CADM2: variants seen among roughly 807,000 people sequenced by gnomAD.
CADM2 encodes the protein immunoglobulin superfamily member 4D.
A neutral mutation model predicts 49.8 loss-of-function variants in CADM2; 12 were observed. That is an observed-to-expected ratio of 0.24 (90% CI 0.15 to 0.39). The LOEUF is 0.39. Among genes scored for constraint, CADM2 ranks in the 10% least tolerant of loss-of-function variants. The pLI is 1.00. For missense variants in CADM2, 378 were observed against 492.3 expected, an observed-to-expected ratio of 0.77 and a Z score of 2.20; for synonymous variants, 214 against 175.4, an observed-to-expected ratio of 1.22 and a Z score of -1.74.
intron 3 of CADM2, among the ~76,000 whole-genome samples, chr3:85,878,697 A>G (rs942514362): frequency 1.7e-4 from 26 of 152,112 alleles, no homozygotes; most frequent in Non-Finnish European, 1.6e-4. Context: ...CAGTACCTTT[A>G]GCCTTGTTCC....
intron 1 of CADM2, among the ~76,000 whole-genome samples, chr3:85,056,695 T>C (rs2107426736): frequency 6.6e-6 from 1 of 152,226 alleles, no homozygotes; most frequent in Middle Eastern, 3.4e-3. Context: ...ATGCAATATA[T>C]CCCCTAGTGA....
chr3:85,716,791 A>G (rs544767335), intron 1 of CADM2, among the ~76,000 whole-genome samples: 1 of 152,196 alleles, frequency 6.6e-6, no homozygotes, highest in Admixed American at 6.5e-5. Context: ...AGGTTTTCAA[A>G]GATCAGATGG....
intron 1 of CADM2, among the ~76,000 whole-genome samples, chr3:85,297,811 G>A (rs1261246144): frequency 6.6e-6 from 1 of 151,884 alleles, no homozygotes; most frequent in Non-Finnish European, 1.5e-5. Flanking sequence ...AATTTTGAAC[G>A]ATTTTTCCCA....
intron 1 of CADM2, among the ~76,000 whole-genome samples, chr3:85,655,333 G>A (rs571903601): frequency 3.3e-5 from 5 of 151,914 alleles, no homozygotes; most frequent in South Asian, 4.2e-4. Context: ...ATTATTTTTC[G>A]TATTTTTAGT....
chr3:86,011,328 A>T (rs937759374), intron 8 of CADM2, among the ~76,000 whole-genome samples: 1 of 152,174 alleles, frequency 6.6e-6, no homozygotes, highest in African/African-American at 2.4e-5. Context: ...AATTTGTTTA[A>T]TATTAAGAAA....
intron 1 of CADM2, among the ~76,000 whole-genome samples, chr3:85,618,113 A>T (rs2107476728): frequency 6.6e-6 from 1 of 152,306 alleles, no homozygotes; most frequent in Non-Finnish European, 1.5e-5. Flanking sequence ...AAAAATAACT[A>T]AGCAACTTAA....
chr3:85,886,393 G>T lies in CADM2; in HGVS notation c.529+66G>T, dbSNP rs1577568167. 13 of 1,224,518 alleles carry T rather than the reference G, an allele frequency of 1.1e-5. No homozygotes were observed. The East Asian group carries it at 1.7e-4, about 16-fold the overall frequency. 75.9% of individuals were successfully genotyped at this position (1,224,518 alleles called of 1,614,324 possible). A position where few individuals can be genotyped will look rare whatever the true frequency, so the allele number is the denominator to read the frequency against. On this transcript the variant is annotated intron_variant, in intron 5 of 9. Coordinates refer to ENST00000383699, the MANE Select transcript of CADM2 (RefSeq NM_001167675.2). ...AACCAGTATGACATGTTAAGAAAAA[G>T]GCATTTTACATTATTTTTCAAAACA...
At chr3:86,044,258 A>G (rs921685134) in intron 8 of CADM2, among the ~76,000 whole-genome samples, 1 of 152,224 alleles carries the variant, frequency 6.6e-6, no homozygotes, top group Non-Finnish European at 1.5e-5. Context: ...AGAAACTACC[A>G]TCAGAGTGAA....
chr3:85,690,226 A>T (rs999878450), intron 1 of CADM2, among the ~76,000 whole-genome samples: 1 of 152,296 alleles, frequency 6.6e-6, no homozygotes, highest in Non-Finnish European at 1.5e-5. Context: ...ATTCAGATCA[A>T]ATGGAGTAGC....
chr3:85,092,124 A>C (rs1163094637), intron 1 of CADM2, among the ~76,000 whole-genome samples: 3 of 152,150 alleles, frequency 2.0e-5, no homozygotes, highest in African/African-American at 7.2e-5. Context: ...AGAAGCCACC[A>C]CTAAATAATA....
intron 1 of CADM2, among the ~76,000 whole-genome samples, chr3:85,465,909 T>A (rs1016225994): frequency 6.6e-6 from 1 of 152,162 alleles, no homozygotes; most frequent in Non-Finnish European, 1.5e-5. Context: ...GAAAATAGGA[T>A]CTTTTCTAGA....
chr3:85,189,500 G>A (rs1430523528), intron 1 of CADM2, among the ~76,000 whole-genome samples: 1 of 152,098 alleles, frequency 6.6e-6, no homozygotes, highest in Non-Finnish European at 1.5e-5. Flanking sequence ...AAGAGAATAT[G>A]TTGAATAATG....
intron 1 of CADM2, among the ~76,000 whole-genome samples, chr3:85,176,494 G>A (rs1186353606): frequency 6.6e-6 from 1 of 152,070 alleles, no homozygotes; most frequent in Non-Finnish European, 1.5e-5. Context: ...TTTTCTATCA[G>A]TAATGTGCAG....
chr3:86,055,451 CTTTTTTTTT>C (rs57606781), intron 8 of CADM2, among the ~76,000 whole-genome samples: 11 of 87,502 alleles, frequency 1.3e-4, no homozygotes, highest in Non-Finnish European at 2.1e-4. Context: ...GGCATCCCCT[CTTTTTTTTT>C]TTTTTTTTTT....
chr3:85,261,389 C>T (rs970800839), intron 1 of CADM2, among the ~76,000 whole-genome samples: 16 of 152,142 alleles, frequency 1.1e-4, no homozygotes, highest in African/African-American at 3.6e-4. Context: ...CAGCCTTGGC[C>T]TTCCAAAGTG....
intron 1 of CADM2, among the ~76,000 whole-genome samples, chr3:85,579,782 G>A (rs1454078049): frequency 6.6e-6 from 1 of 151,950 alleles, no homozygotes; most frequent in Non-Finnish European, 1.5e-5. Flanking sequence ...GATTTATATA[G>A]ATATCTAATT....
At chr3:85,400,721 T>C (rs1222304552) in intron 1 of CADM2, among the ~76,000 whole-genome samples, 6 of 152,220 alleles carry the variant, frequency 3.9e-5, no homozygotes, top group Admixed American at 1.3e-4. Context: ...TTCTAGTTTC[T>C]AGTTTATTTG....
rs369365928 is a variant in CADM2, at chr3:86,041,981, G to A, written c.971-23624G>A. Among the ~76,000 whole-genome samples, 3 of 152,244 alleles carry A rather than the reference G, an allele frequency of 2.0e-5. No homozygotes were observed. In the East Asian group the frequency reaches 5.8e-4, roughly 29 times the overall value. On this transcript the variant is annotated intron_variant, in intron 8 of 9. Transcript: ENST00000383699. ...AACAACCTGCTCCTGAATGACTACA[G>A]GGTACATAATGAAATGAAGGCAGAA...
intron 8 of CADM2, among the ~76,000 whole-genome samples, chr3:85,972,951 A>C (rs1726323799): frequency 6.6e-6 from 1 of 151,764 alleles, no homozygotes; most frequent in African/African-American, 2.4e-5. Context: ...GAGCTCTAAC[A>C]CTTTTAAAAA....
Sources: gnomAD v4.1 joint callset for allele counts (sites outside exome capture counted in the v4.1 genomes callset) on GRCh38, gnomAD v4.1.1 for gene constraint, MANE v1.5 for transcripts, NCBI Gene and HGNC (gene_info 2026-07-23, HGNC 2026-07-21) for gene names.